CCT8: variants seen among roughly 807,000 people sequenced by gnomAD.
CCT8 encodes the protein chaperonin containing TCP1 subunit 8, also known as T-complex protein 1 subunit theta.
A neutral mutation model predicts 65.7 loss-of-function variants in CCT8; 10 were observed. The observed-to-expected ratio is 0.15, with a 90% CI of 0.09 to 0.26. The LOEUF is 0.26. CCT8 is among the 10% of genes least tolerant of loss of function. The pLI, the probability that CCT8 is intolerant of heterozygous loss-of-function variation, is 1.00. For synonymous variants in CCT8, 199 were observed against 221.8 expected (o/e 0.90, Z 0.92); for missense variants, 568 against 669.1 (o/e 0.85, Z 1.67).
intron 1 of CCT8, chr21:29,072,281 CATT>C (rs1458651569): frequency 3.8e-6 from 1 of 259,750 alleles, no homozygotes; most frequent in African/African-American, 2.2e-5. Context: ...TTTATTTAAT[CATT>C]ATTTCTGCCT....
chr21:29,061,706 T>G (rs2085566441), intron 11 of CCT8, 139 bp from the exon 12 acceptor site: 6 of 870,458 alleles, frequency 6.9e-6, no homozygotes, highest in Middle Eastern at 3.5e-4. Flanking sequence ...CTCAAATACA[T>G]ATTACAAATT....
At chr21:29,064,448 A>G (rs964576764) in intron 7 of CCT8, among the ~76,000 whole-genome samples, 12 of 148,706 alleles carry the variant, frequency 8.1e-5, no homozygotes, top group Admixed American at 1.3e-4. Context: ...AATAAAATAC[A>G]ATAAAATAAA....
intron 4 of CCT8, 89 bp downstream of exon 4, chr21:29,067,467 C>T: frequency 9.7e-7 from 1 of 1,025,886 alleles, no homozygotes. Flanking sequence ...ATGTTAGCTA[C>T]TACTATAATA....
chr21:29,067,320 T>C (rs1053997401), intron 4 of CCT8, among the ~76,000 whole-genome samples: 2 of 152,198 alleles, frequency 1.3e-5, no homozygotes, highest in Admixed American at 6.5e-5. Flanking sequence ...TCTTTTCTCA[T>C]CTAAAATAAA....
chr21:29,067,780 A>G, intron 3 of CCT8, 75 bp from the exon 4 acceptor site: 1 of 1,119,116 alleles, frequency 8.9e-7, no homozygotes, highest in Non-Finnish European at 1.2e-6. Context: ...CCATTTCTTA[A>G]ATAGACTCAA....
At position 29,061,502 on chromosome 21, in the gene CCT8, A is replaced by G. The variant is rs2085563542; in HGVS notation, c.1278T>C (p.Tyr426=). 3 of 1,613,996 alleles carry G rather than the reference A, an allele frequency of 1.9e-6. No homozygotes were observed. Among genetic ancestry groups the G allele is most frequent in the Middle Eastern group, 3.3e-4 (2 of 6,062 alleles). The change falls in exon 12 of 15, where the codon TAT becomes TAC. Residue 426 remains tyrosine (Y), a synonymous_variant. Transcript: ENST00000286788. The part of the protein sequence containing the change: ...EIELAKQITS[Y]GETCPGLEQY... ...TATACAGAAAAAGCTGTACCTCTCCATATGATGTGATCTGTTTGGCTAATT... is the reference window on the plus strand; with the variant it reads ...TATACAGAAAAAGCTGTACCTCTCCGTATGATGTGATCTGTTTGGCTAATT...
chr21:29,059,534 G>A lies in CCT8; in HGVS notation c.1569+1007C>T, dbSNP rs146516005. On this transcript the variant is annotated intron_variant, in intron 14 of 14. Coordinates refer to ENST00000286788, the MANE Select transcript of CCT8 (RefSeq NM_006585.4). Reference sequence around the variant, plus strand: ...TGCTGCAGTCTACTTAGCTTCTTCCGTCCCTGCTATTTTTGGTTTCCCCTT... The same window carrying A: ...TGCTGCAGTCTACTTAGCTTCTTCCATCCCTGCTATTTTTGGTTTCCCCTT... 7.9e-5 allele frequency: 12 copies of A among 152,240 alleles called. No individual in the cohort carries two copies. In the East Asian group the frequency reaches 2.1e-3, roughly 27 times the overall value. 9.4% of individuals were successfully genotyped at this position (152,240 alleles called of 1,614,324 possible).
intron 4 of CCT8, 89 bp from the exon 5 acceptor site, chr21:29,067,160 C>A (rs562310415): frequency 3.4e-6 from 3 of 870,326 alleles, no homozygotes; most frequent in South Asian, 1.9e-5. Flanking sequence ...ATTTTTGATA[C>A]AAAATGACAA....
chr21:29,071,740 A>G (rs2085682654), intron 1 of CCT8, among the ~76,000 whole-genome samples: 1 of 152,050 alleles, frequency 6.6e-6, no homozygotes, highest in South Asian at 2.1e-4. Context: ...TTCCAGCAAT[A>G]ACACTTAAGT....
In CCT8 at chr21:29,056,444, G is replaced by C. The variant is rs200555208; in HGVS notation, c.*31C>G. 202 of 1,255,190 alleles carry C rather than the reference G, an allele frequency of 1.6e-4. No homozygotes were observed. In the Admixed American group the frequency reaches 2.0e-3, roughly 12 times the overall value. The allele number at this position is 1,255,190 out of a possible 1,614,324, so 77.8% of individuals were successfully genotyped here. On this transcript the variant is annotated 3_prime_UTR_variant, in exon 15 of 15. Transcript: ENST00000286788. The stretch of plus-strand genomic sequence containing the variant: ...ATTCTTGAGTACTACTACAAATACA[G>C]CCTTCACCTACAGTAAAAATTAAGC...
chr21:29,060,514 T>A, intron 14 of CCT8, 27 bp downstream of exon 14: 1 of 1,610,648 alleles, frequency 6.2e-7, no homozygotes. Context: ...TGAGTATTTT[T>A]AAAGATCAAA....
chr21:29,063,717 T>C (rs771612776), intron 7 of CCT8, among the ~76,000 whole-genome samples, 187 bp from the exon 8 acceptor site: 23 of 152,160 alleles, frequency 1.5e-4, no homozygotes, highest in Non-Finnish European at 2.5e-4. Flanking sequence ...TAGAACCCCC[T>C]GTCAAAACAG....
rs759950527 is a variant in CCT8 at position 29,067,687 on chromosome 21, T to C, written c.250A>G (p.Lys84Glu). The change falls in exon 4 of 15, where the codon AAA (lysine) becomes GAA (glutamate). Residue 84 changes from lysine to glutamate, a missense_variant. By Grantham distance (56) the Lys-to-Glu change is moderately conservative. Coordinates refer to ENST00000286788, the MANE Select transcript of CCT8 (RefSeq NM_006585.4). ...RELEVQHPAA[K>E]MIVMASHMQE... ...ATATGAGAAGCCATTACAATCATTTTTGCAGCAGGATGCTGTACCTAGTAG... is the reference window on the plus strand; with the variant it reads ...ATATGAGAAGCCATTACAATCATTTCTGCAGCAGGATGCTGTACCTAGTAG... 7.3e-7 allele frequency: 1 copy of C among 1,371,018 alleles called. No homozygotes were observed. The highest frequency in any genetic ancestry group is 2.2e-5 in the South Asian group (1 of 45,726). 84.9% of individuals were successfully genotyped at this position (1,371,018 alleles called of 1,614,324 possible). A position where few individuals can be genotyped will look rare whatever the true frequency, so the allele number is the denominator to read the frequency against.
rs1272851544 is a variant in CCT8 at position 29,066,749 on chromosome 21, G to C, written c.591C>G (p.Phe197Leu). Residue 197 changes from phenylalanine (F) to leucine (L), a missense_variant, in exon 6 of 15, where the codon TTC becomes TTG. Transcript: ENST00000286788. ...TACAAACTCTGATGTTATCAACATT[G>C]AAATGGCCGGAATCAGGAAAAATAG... Reference protein sequence around the residue: ...CVSIFPDSGHFNVDNIRVCKI... With the variant: ...CVSIFPDSGHLNVDNIRVCKI... 4 of 1,607,992 alleles carry C rather than the reference G, an allele frequency of 2.5e-6. No homozygotes were observed. Among genetic ancestry groups the C allele is most frequent in the Non-Finnish European group, 3.4e-6 (4 of 1,177,138 alleles).
intron 1 of CCT8, 73 bp downstream of exon 1, chr21:29,073,458 C>G (rs1053068034): frequency 1.9e-6 from 3 of 1,609,598 alleles, no homozygotes; most frequent in Non-Finnish European, 2.5e-6. Context: ...CGTTAGTAGG[C>G]CCTCCTACTT....
chr21:29,073,594 C>G lies in CCT8; in HGVS notation c.-4G>C. 6.2e-7 allele frequency: 1 copy of G among 1,614,040 alleles called. No individual in the cohort carries two copies. Among genetic ancestry groups the G allele is most frequent in the Non-Finnish European group, 8.5e-7 (1 of 1,179,990 alleles). ...CCTTGGGAACGTGAAGCGCCATGGC[C>G]AGCCTGCAGGAAGCAGTTCACGCGA... On this transcript the variant is annotated 5_prime_UTR_variant, in exon 1 of 15. Coordinates refer to ENST00000286788, the MANE Select transcript of CCT8 (RefSeq NM_006585.4).
intron 14 of CCT8, among the ~76,000 whole-genome samples, chr21:29,057,834 T>C (rs1381649810): frequency 6.6e-6 from 1 of 150,864 alleles, no homozygotes; most frequent in Non-Finnish European, 1.5e-5. Flanking sequence ...ATATGTGTGA[T>C]ATATACATAT....
At chr21:29,073,250 C>T in intron 1 of CCT8, 2 of 1,313,086 alleles carry the variant, frequency 1.5e-6, no homozygotes, top group Admixed American at 3.2e-5. Flanking sequence ...CGGATGGAGG[C>T]AAAACGCACG....
chr21:29,061,086 G>A (rs1052742276), intron 13 of CCT8, among the ~76,000 whole-genome samples, 167 bp downstream of exon 13: 5 of 152,046 alleles, frequency 3.3e-5, no homozygotes, highest in Non-Finnish European at 7.4e-5. Flanking sequence ...TAAAACAGAA[G>A]GAAAATGAAA....
Sources: allele counts gnomAD v4.1 joint callset (sites outside exome capture counted in the v4.1 genomes callset), GRCh38; gene constraint gnomAD v4.1.1; transcripts MANE v1.5; gene names NCBI Gene and HGNC (gene_info 2026-07-23, HGNC 2026-07-21).